Variants in DENND4A observed in about 807,000 individuals in gnomAD.
DENND4A encodes C-myc promoter-binding protein.
A neutral mutation model predicts 199.3 loss-of-function variants in DENND4A; 70 were observed. That is an observed-to-expected ratio of 0.35 (90% CI 0.29 to 0.43). DENND4A has a LOEUF of 0.43. Among genes scored for constraint, DENND4A ranks in the 20% least tolerant of loss-of-function variants. DENND4A has a pLI of 1.00. For missense variants in DENND4A, 1,723 were observed against 2,255.8 expected, an observed-to-expected ratio of 0.76 and a Z score of 4.78; for synonymous variants, 686 against 766.9, an observed-to-expected ratio of 0.89 and a Z score of 1.74.
chr15:65,718,446 C>T (rs1012120791), intron 12 of DENND4A, among the ~76,000 whole-genome samples: 2 of 152,078 alleles, frequency 1.3e-5, no homozygotes, highest in Admixed American at 1.3e-4. Context: ...AGCTGTTCAA[C>T]ATAAATATAT....
At chr15:65,710,861 G>C (rs28557173) in intron 14 of DENND4A, among the ~76,000 whole-genome samples, 30,909 of 152,046 alleles carry the variant, frequency 0.2, 4,194 homozygotes, top group East Asian at 0.74. Context: ...GCATATGGCA[G>C]TTTCTACCAC....
chr15:65,756,093 C>T, intron 3 of DENND4A, 47 bp downstream of exon 3: 1 of 1,445,262 alleles, frequency 6.9e-7, no homozygotes, highest in Non-Finnish European at 9.3e-7. Context: ...ATCTACAAGG[C>T]ATATTATTTG....
At chr15:65,664,985 A>G (rs1165288655) in intron 30 of DENND4A, 1 of 463,394 alleles carries the variant, frequency 2.2e-6, no homozygotes, top group African/African-American at 2.0e-5. Context: ...GAAAATTCTA[A>G]ATCAGCAGCC....
chr15:65,705,486 T>G (rs2075018196), intron 15 of DENND4A, among the ~76,000 whole-genome samples: 1 of 152,196 alleles, frequency 6.6e-6, no homozygotes, highest in Non-Finnish European at 1.5e-5. Flanking sequence ...AGGACTTTTC[T>G]CTCTTCTTCA....
chr15:65,731,189 C>A (rs1444878584), intron 9 of DENND4A, among the ~76,000 whole-genome samples: 1 of 151,970 alleles, frequency 6.6e-6, no homozygotes, highest in East Asian at 1.9e-4. Context: ...AGAAAACATA[C>A]TTAATGATTT....
chr15:65,778,833 G>A (rs1398197092), intron 1 of DENND4A, among the ~76,000 whole-genome samples: 4 of 149,844 alleles, frequency 2.7e-5, no homozygotes, highest in African/African-American at 9.9e-5. Flanking sequence ...AGCAGAGGTT[G>A]CAGTGAGCTG....
chr15:65,664,424 T>A, intron 31 of DENND4A, 30 bp from the exon 32 acceptor site: 1 of 1,545,496 alleles, frequency 6.5e-7, no homozygotes, highest in East Asian at 2.3e-5. Flanking sequence ...GAGAAAATAT[T>A]AGTATCCATA....
At chr15:65,719,729 A>T (rs1195098764) in intron 12 of DENND4A, among the ~76,000 whole-genome samples, 1 of 147,690 alleles carries the variant, frequency 6.8e-6, no homozygotes, top group Non-Finnish European at 1.5e-5. Context: ...TCTCTACAGA[A>T]TTTTTTTTTT....
At chr15:65,695,296 A>C (rs2077105953) in intron 22 of DENND4A, among the ~76,000 whole-genome samples, 1 of 152,198 alleles carries the variant, frequency 6.6e-6, no homozygotes, top group Non-Finnish European at 1.5e-5. Context: ...TGCAATGCAA[A>C]AACAGCCAGA....
intron 1 of DENND4A, among the ~76,000 whole-genome samples, chr15:65,787,012 A>G (rs1033412789): frequency 6.6e-6 from 1 of 152,200 alleles, no homozygotes; most frequent in Non-Finnish European, 1.5e-5. Context: ...ATTCAATGTG[A>G]TAACTATGAT....
chr15:65,728,164 A>G (rs112578929), intron 11 of DENND4A, among the ~76,000 whole-genome samples: 14,782 of 151,960 alleles, frequency 0.097, 904 homozygotes, highest in Non-Finnish European at 0.14. Flanking sequence ...CACCACGTCC[A>G]GCTAATTTTT....
intron 24 of DENND4A, among the ~76,000 whole-genome samples, chr15:65,673,798 T>C (rs1219608643): frequency 6.6e-6 from 1 of 152,182 alleles, no homozygotes; most frequent in Non-Finnish European, 1.5e-5. Flanking sequence ...AAACCTTCTG[T>C]AATCCCTCTG....
chr15:65,707,650 G>T (rs2075105465), intron 14 of DENND4A, among the ~76,000 whole-genome samples: 1 of 151,432 alleles, frequency 6.6e-6, no homozygotes, highest in Non-Finnish European at 1.5e-5. Context: ...AACAATAAAT[G>T]AGAAAAGAAT....
intron 29 of DENND4A, 55 bp downstream of exon 29, chr15:65,667,394 A>C: frequency 6.4e-7 from 1 of 1,552,914 alleles, no homozygotes; most frequent in Non-Finnish European, 8.8e-7. Flanking sequence ...AGGAATATGC[A>C]AACATTACAA....
chr15:65,734,952 T>C (rs1432109601), intron 7 of DENND4A, among the ~76,000 whole-genome samples: 7 of 151,982 alleles, frequency 4.6e-5, no homozygotes, highest in African/African-American at 1.7e-4. Flanking sequence ...CATGGTGGCA[T>C]GTGCCTGCAG....
At chr15:65,758,400 A>C (rs762822194) in intron 2 of DENND4A, among the ~76,000 whole-genome samples, 12 of 152,134 alleles carry the variant, frequency 7.9e-5, no homozygotes, top group Non-Finnish European at 1.5e-4. Flanking sequence ...TGCAGCCTTG[A>C]CCACCTGGGC....
At chr15:65,719,677 C>G (rs1296948904) in intron 12 of DENND4A, among the ~76,000 whole-genome samples, 2 of 151,918 alleles carry the variant, frequency 1.3e-5, no homozygotes, top group Admixed American at 1.3e-4. Context: ...ATCACTTGAG[C>G]CCAGAAGTTC....
At chr15:65,676,920 CCTCT>C (rs1170577308) in intron 23 of DENND4A, among the ~76,000 whole-genome samples, 1 of 152,132 alleles carries the variant, frequency 6.6e-6, no homozygotes, top group African/African-American at 2.4e-5. Flanking sequence ...TGATAATTTT[CCTCT>C]CTGACAAGGT....
At chr15:65,717,269 A>C (rs1264118671) in intron 13 of DENND4A, among the ~76,000 whole-genome samples, 1 of 152,216 alleles carries the variant, frequency 6.6e-6, no homozygotes, top group Non-Finnish European at 1.5e-5. Context: ...AAATACTACA[A>C]AAGAAAGTAA....
Sources: gnomAD v4.1 joint callset for allele counts (sites outside exome capture counted in the v4.1 genomes callset) on GRCh38, gnomAD v4.1.1 for gene constraint, MANE v1.5 for transcripts, NCBI Gene and HGNC (gene_info 2026-07-23, HGNC 2026-07-21) for gene names.